ZNF385D: variants seen among roughly 807,000 people sequenced by gnomAD.
The protein encoded by ZNF385D is zinc finger protein 385D, also known as zinc finger protein 659.
ZNF385D carries 15 observed loss-of-function variants against 35.8 expected under a neutral mutation model. That is an observed-to-expected ratio of 0.42 (90% CI 0.28 to 0.64). The LOEUF is 0.64. ZNF385D is among the 30% of genes least tolerant of loss of function. ZNF385D has a pLI of 0.23. For synonymous variants in ZNF385D, 212 were observed against 186.8 expected, an observed-to-expected ratio of 1.13 and a Z score of -1.10; for missense variants, 474 against 494.6, an observed-to-expected ratio of 0.96 and a Z score of 0.39.
At chr3:21,657,229 T>C (rs542778544) in intron 2 of ZNF385D, among the ~76,000 whole-genome samples, 2 of 152,048 alleles carry the variant, frequency 1.3e-5, no homozygotes, top group East Asian at 3.9e-4. Flanking sequence ...AGTCAGGAAA[T>C]TGTTGCATTC....
At chr3:22,132,371 G>C (rs1369484090) in intron 3 of ZNF385D, among the ~76,000 whole-genome samples, 1 of 152,104 alleles carries the variant, frequency 6.6e-6, no homozygotes, top group African/African-American at 2.4e-5. Context: ...CCAGCCTTCA[G>C]AACTGAGATA....
chr3:21,706,643 T>A (rs1288926227), intron 1 of ZNF385D, among the ~76,000 whole-genome samples: 2 of 152,184 alleles, frequency 1.3e-5, no homozygotes, highest in Non-Finnish European at 2.9e-5. Context: ...ATTGCCATTA[T>A]TAATCTTCTT....
chr3:22,160,082 G>T (rs1398901552), intron 3 of ZNF385D, among the ~76,000 whole-genome samples: 1 of 152,040 alleles, frequency 6.6e-6, no homozygotes, highest in African/African-American at 2.4e-5. Context: ...ACCTTGTGAA[G>T]AAGGTGCCTT....
chr3:21,834,779 G>GATCTT (rs1553681420), intron 3 of ZNF385D, among the ~76,000 whole-genome samples: 4,777 of 151,874 alleles, frequency 0.031, 107 homozygotes, highest in East Asian at 0.057. Context: ...ATGGATCTTG[G>GATCTT]GGCAGTTCCC....
chr3:21,738,070 A>G (rs1313147617), intron 1 of ZNF385D, among the ~76,000 whole-genome samples: 1 of 152,214 alleles, frequency 6.6e-6, no homozygotes, highest in Non-Finnish European at 1.5e-5. Flanking sequence ...AGGGACCTGG[A>G]GTCTTTCCCT....
intron 2 of ZNF385D, among the ~76,000 whole-genome samples, chr3:21,651,425 A>T (rs926548541): frequency 6.6e-6 from 1 of 151,910 alleles, no homozygotes; most frequent in African/African-American, 2.4e-5. Flanking sequence ...TATTCATCAG[A>T]TCTACCATAT....
chr3:21,717,349 C>G (rs2068363827), intron 1 of ZNF385D, among the ~76,000 whole-genome samples: 2 of 152,188 alleles, frequency 1.3e-5, no homozygotes, highest in Non-Finnish European at 2.9e-5. Context: ...CTGAAACTCT[C>G]TTAAATTTTC....
chr3:22,144,336 G>A (rs889148651), intron 3 of ZNF385D, among the ~76,000 whole-genome samples: 12 of 152,040 alleles, frequency 7.9e-5, no homozygotes, highest in Non-Finnish European at 1.5e-4. Flanking sequence ...CACTACTGGA[G>A]GCCAAGGGTG....
chr3:21,835,916 G>C (rs1695299518), intron 3 of ZNF385D, among the ~76,000 whole-genome samples: 1 of 151,922 alleles, frequency 6.6e-6, no homozygotes, highest in Non-Finnish European at 1.5e-5. Flanking sequence ...TTCCAAATAT[G>C]ATTTTTAAAA....
upstream of ZNF385D, chr3:21,751,507 C>T: frequency 1.1e-6 from 1 of 944,594 alleles, no homozygotes; most frequent in Non-Finnish European, 1.3e-6. Flanking sequence ...CCCGCCCCTC[C>T]TGTGAATGCC....
At chr3:21,783,651 T>G (rs1575642682) in intron 3 of ZNF385D, among the ~76,000 whole-genome samples, 2 of 152,072 alleles carry the variant, frequency 1.3e-5, no homozygotes, top group Non-Finnish European at 2.9e-5. Flanking sequence ...TCCGTCCTTG[T>G]TCCCACCATG....
At chr3:22,019,828 G>C (rs2125453034) in intron 3 of ZNF385D, among the ~76,000 whole-genome samples, 1 of 151,848 alleles carries the variant, frequency 6.6e-6, no homozygotes, top group Admixed American at 6.6e-5. Flanking sequence ...AGAACCTTGA[G>C]AGAGTGATAG....
chr3:22,135,480 A>G (rs953233112), intron 3 of ZNF385D, among the ~76,000 whole-genome samples: 1 of 152,172 alleles, frequency 6.6e-6, no homozygotes, highest in African/African-American at 2.4e-5. Context: ...ACATCTACAA[A>G]GCCTTAAATA....
At chr3:21,629,880 T>C (rs959618135) in intron 2 of ZNF385D, among the ~76,000 whole-genome samples, 2 of 152,168 alleles carry the variant, frequency 1.3e-5, no homozygotes, top group Admixed American at 1.3e-4. Flanking sequence ...TCTGACATCA[T>C]TTCATTAATC....
rs1029496314 is a variant in ZNF385D, at chr3:21,970,896, G to T, written c.325+197921C>A. On this transcript the variant is annotated intron_variant, in intron 3 of 5. Transcript: ENST00000494108. ...TTCCAGTGAAAACTTTACAGGCCAG[G>T]AGAGAGTGGCAGGGCATATTTAAAG... is the stretch of plus-strand genomic sequence containing the variant. Among the ~76,000 whole-genome samples the T allele has an allele frequency of 2.0e-5, 3 of 151,892 alleles. 1 individual carries two copies. In the South Asian group the frequency reaches 6.2e-4, roughly 31 times the overall value.
chr3:21,920,064 T>C (rs1050991638), intron 3 of ZNF385D, among the ~76,000 whole-genome samples: 1 of 152,194 alleles, frequency 6.6e-6, no homozygotes, highest in Admixed American at 6.5e-5. Flanking sequence ...CTAGCCAAAG[T>C]ATATTTTGGT....
At chr3:21,979,198 T>C (rs1266848954) in intron 3 of ZNF385D, among the ~76,000 whole-genome samples, 2 of 152,038 alleles carry the variant, frequency 1.3e-5, no homozygotes, top group African/African-American at 4.8e-5. Context: ...AAAAGGAGGA[T>C]ATGGGGGACC....
At chr3:21,992,811 C>G (rs1371358328) in intron 3 of ZNF385D, among the ~76,000 whole-genome samples, 1 of 152,048 alleles carries the variant, frequency 6.6e-6, no homozygotes, top group Non-Finnish European at 1.5e-5. Context: ...TGTTTCTAGT[C>G]CCTCAGATAT....
chr3:21,465,264 A>G lies in ZNF385D; in HGVS notation c.440-28061T>C, dbSNP rs1390029103. Among the ~76,000 whole-genome samples the G allele has an allele frequency of 6.6e-6, 1 of 152,166 alleles. No individual in the cohort carries two copies. The highest frequency in any genetic ancestry group is 1.5e-5 in the Non-Finnish European group (1 of 68,030). ...GAGTCTTCCCAATTTCTTTTGCTAAAAGACTATTTGTATTTATCCAGTTAG... is the reference window on the plus strand; with the variant it reads ...GAGTCTTCCCAATTTCTTTTGCTAAGAGACTATTTGTATTTATCCAGTTAG... On this transcript the variant is annotated intron_variant, in intron 4 of 7. Transcript: ENST00000281523. This position sits in a 1 kb window ranked among gnomAD's most constrained non-coding sequence, Gnocchi z 4.2.
Sources: allele counts gnomAD v4.1 joint callset (sites outside exome capture counted in the v4.1 genomes callset), GRCh38; gene constraint gnomAD v4.1.1; non-coding constraint Gnocchi (gnomAD v3.1); transcripts MANE v1.5; gene names NCBI Gene and HGNC (gene_info 2026-07-23, HGNC 2026-07-21).